HS1BP3: variants seen among roughly 807,000 people sequenced by gnomAD.
HS1BP3 encodes the protein HCLS1-binding protein 3.
A neutral mutation model predicts 33.5 loss-of-function variants in HS1BP3; 32 were observed. The observed-to-expected ratio is 0.95, with a 90% CI of 0.72 to 1.28. The LOEUF (loss-of-function observed/expected upper bound fraction) is 1.28, where lower values mean the gene tolerates loss of function less well. Ranked by LOEUF, HS1BP3 falls within the 50% of genes most tolerant of loss-of-function variation. The probability of loss-of-function intolerance (pLI) is 0.00; values close to 1 mark genes in which losing one functional copy is unlikely to be tolerated. For missense variants in HS1BP3, 486 were observed against 502.3 expected, an observed-to-expected ratio of 0.97 and a Z score of 0.31; for synonymous variants, 187 against 209.2, an observed-to-expected ratio of 0.89 and a Z score of 0.92.
chr2:20,567,672 G>T (rs1572289016), intron 5 of HS1BP3, among the ~76,000 whole-genome samples: 1 of 152,184 alleles, frequency 6.6e-6, no homozygotes, highest in Non-Finnish European at 1.5e-5. Flanking sequence ...CCAGGCTCCT[G>T]CAGACAGAGG....
At chr2:20,649,083 T>A (rs1695606525) in intron 1 of HS1BP3, among the ~76,000 whole-genome samples, 1 of 152,272 alleles carries the variant, frequency 6.6e-6, no homozygotes, top group Non-Finnish European at 1.5e-5. Context: ...GCTCGGCCAC[T>A]GCCCATGCTC....
At chr2:20,644,090 C>T (rs1401806988) in intron 2 of HS1BP3, among the ~76,000 whole-genome samples, 2 of 152,150 alleles carry the variant, frequency 1.3e-5, no homozygotes, top group African/African-American at 4.8e-5. Flanking sequence ...ACTTCGGGGT[C>T]TAGTTCATTT....
At chr2:20,607,537 C>A (rs1258741552) in intron 2 of HS1BP3, among the ~76,000 whole-genome samples, 1 of 152,212 alleles carries the variant, frequency 6.6e-6, no homozygotes, top group Admixed American at 6.5e-5. Context: ...GGTCTTGGCA[C>A]CCTTGTCATA....
intron 2 of HS1BP3, among the ~76,000 whole-genome samples, chr2:20,607,595 A>C (rs1694224559): frequency 6.6e-6 from 1 of 152,230 alleles, no homozygotes; most frequent in Admixed American, 6.5e-5. Flanking sequence ...TCTTAATTCC[A>C]TCCAGTTGAT....
At chr2:20,569,364 C>T (rs961790657) in intron 5 of HS1BP3, among the ~76,000 whole-genome samples, 3 of 152,150 alleles carry the variant, frequency 2.0e-5, no homozygotes, top group African/African-American at 4.8e-5. Context: ...GTTTTAGAAA[C>T]GTCTGCTGTA....
rs1312082042 is a variant in HS1BP3, at chr2:20,619,048, T to A, written c.1118A>T (p.Asp373Val). The A allele has an allele frequency of 1.2e-6, 2 of 1,614,168 alleles. No individual in the cohort carries two copies. Among genetic ancestry groups the A allele is most frequent in the Admixed American group, 3.3e-5 (2 of 60,016 alleles). Residue 373 changes from aspartate (D) to valine (V), a missense_variant, in exon 7 of 7, where the codon GAC becomes GTC. Asp to Val is a radical substitution (Grantham distance 152). Coordinates refer to ENST00000304031, the MANE Select transcript of HS1BP3 (RefSeq NM_022460.4). Reference sequence around the variant, plus strand: ...GTGGTCCTGGATGTACTGCAAGATGTCCATCTCGTCCATGGCTTGGATCTG... The same window carrying A: ...GTGGTCCTGGATGTACTGCAAGATGACCATCTCGTCCATGGCTTGGATCTG... ...QEQIQAMDEM[D>V]ILQYIQDHDT...
chr2:20,620,747 C>A (rs536478339), intron 6 of HS1BP3, among the ~76,000 whole-genome samples: 1 of 152,350 alleles, frequency 6.6e-6, no homozygotes, highest in East Asian at 1.9e-4. Context: ...TAAGACAACA[C>A]AAGGAAAGTA....
At chr2:20,647,631 G>T (rs1274745651) in intron 1 of HS1BP3, among the ~76,000 whole-genome samples, 1 of 152,128 alleles carries the variant, frequency 6.6e-6, no homozygotes, top group Non-Finnish European at 1.5e-5. Context: ...TGATGCACCT[G>T]GGCCTACTCC....
At chr2:20,562,722 C>T (rs956869472) in intron 5 of HS1BP3, among the ~76,000 whole-genome samples, 1 of 152,048 alleles carries the variant, frequency 6.6e-6, no homozygotes, top group Non-Finnish European at 1.5e-5. Flanking sequence ...GAAGCTGTCT[C>T]CAGGGGGATA....
intron 3 of HS1BP3, chr2:20,640,023 C>T (rs184264965): frequency 8.5e-5 from 13 of 152,360 alleles, no homozygotes; most frequent in African/African-American, 3.1e-4. Flanking sequence ...GCTTCTCTTC[C>T]CCACCTTTCA....
At chr2:20,572,546 A>G (rs1031858741) in intron 5 of HS1BP3, among the ~76,000 whole-genome samples, 1 of 152,128 alleles carries the variant, frequency 6.6e-6, no homozygotes, top group Non-Finnish European at 1.5e-5. Context: ...TTCTCACTCA[A>G]CTGTGAGATC....
intron 4 of HS1BP3, among the ~76,000 whole-genome samples, chr2:20,626,602 A>G (rs1694792637): frequency 6.6e-6 from 1 of 152,198 alleles, no homozygotes; most frequent in Admixed American, 6.5e-5. Flanking sequence ...AGAAAGTGGC[A>G]TGTTTCAAGG....
intron 5 of HS1BP3, among the ~76,000 whole-genome samples, chr2:20,567,435 C>T (rs1302639215): frequency 6.6e-6 from 1 of 152,180 alleles, no homozygotes; most frequent in Non-Finnish European, 1.5e-5. Context: ...CACAGGAGGG[C>T]CCGGCCCCAA....
intron 2 of HS1BP3, among the ~76,000 whole-genome samples, chr2:20,598,492 CCTT>C (rs1000715763): frequency 2.0e-5 from 3 of 150,782 alleles, no homozygotes; most frequent in African/African-American, 7.3e-5. Context: ...CTGCTGCTCA[CCTT>C]CTGCTGTGCA....
At chr2:20,579,603 G>A (rs1314842446) in intron 5 of HS1BP3, among the ~76,000 whole-genome samples, 1 of 152,178 alleles carries the variant, frequency 6.6e-6, no homozygotes, top group Non-Finnish European at 1.5e-5. Context: ...TTTCTCCCTA[G>A]TCCTCCATAA....
At chr2:20,601,848 G>A (rs1002912739) in intron 2 of HS1BP3, among the ~76,000 whole-genome samples, 1 of 126,318 alleles carries the variant, frequency 7.9e-6, no homozygotes, top group Non-Finnish European at 1.6e-5. Context: ...GCGTGATCTC[G>A]GCTCACTGCA....
intron 2 of HS1BP3, among the ~76,000 whole-genome samples, chr2:20,605,473 C>T (rs1368298761): frequency 1.3e-5 from 2 of 152,104 alleles, no homozygotes; most frequent in African/African-American, 4.8e-5. Context: ...CCATTTTAAC[C>T]ATTTTAAAGG....
chr2:20,607,114 G>A (rs537991797), intron 2 of HS1BP3, among the ~76,000 whole-genome samples: 19 of 146,810 alleles, frequency 1.3e-4, no homozygotes, highest in African/African-American at 4.5e-4. Context: ...TTTGATTTAT[G>A]TTGAGTTAAT....
intron 2 of HS1BP3, among the ~76,000 whole-genome samples, chr2:20,606,015 CCACCA>C (rs1163823305): frequency 6.6e-6 from 1 of 152,116 alleles, no homozygotes; most frequent in Non-Finnish European, 1.5e-5. Flanking sequence ...TCTTGAGGAA[CCACCA>C]CACTATTTTC....
Sources: allele counts gnomAD v4.1 joint callset (sites outside exome capture counted in the v4.1 genomes callset), GRCh38; gene constraint gnomAD v4.1.1; transcripts MANE v1.5; gene names NCBI Gene and HGNC (gene_info 2026-07-23, HGNC 2026-07-21).